ERO1A: variants seen among roughly 807,000 people sequenced by gnomAD.
ERO1A encodes the protein ERO1-like protein alpha.
A neutral mutation model predicts 76.9 loss-of-function variants in ERO1A; 49 were observed. That is an observed-to-expected ratio of 0.64 (90% confidence interval 0.51 to 0.81). The LOEUF (loss-of-function observed/expected upper bound fraction) is 0.81. Ranked by LOEUF, ERO1A falls within the 30% of genes least tolerant of loss-of-function variation. The pLI is 0.00. For synonymous variants in ERO1A, 174 were observed against 181.2 expected (o/e 0.96, Z 0.32); for missense variants, 448 against 542.1 (o/e 0.83, Z 1.72).
intron 2 of ERO1A, among the ~76,000 whole-genome samples, chr14:52,683,200 T>G (rs1051329760): frequency 6.6e-6 from 1 of 151,830 alleles, no homozygotes; most frequent in Non-Finnish European, 1.5e-5. Context: ...CAAAGCAAGA[T>G]TCTGTCTCAA....
intron 1 of ERO1A, among the ~76,000 whole-genome samples, chr14:52,689,968 A>G (rs1216991371): frequency 1.3e-5 from 2 of 152,230 alleles, no homozygotes; most frequent in African/African-American, 2.4e-5. Context: ...AAGCCCAGAA[A>G]TAAACCCACA....
At chr14:52,654,088 G>A (rs1461928351) in intron 11 of ERO1A, among the ~76,000 whole-genome samples, 1 of 152,092 alleles carries the variant, frequency 6.6e-6, no homozygotes, top group East Asian at 1.9e-4. Context: ...CAAAAATGCT[G>A]AAAGCAAATC....
intron 13 of ERO1A, among the ~76,000 whole-genome samples, chr14:52,651,762 C>G (rs994571378): frequency 6.6e-6 from 1 of 152,008 alleles, no homozygotes; most frequent in Non-Finnish European, 1.5e-5. Flanking sequence ...ATTAACAAAT[C>G]CATCACCTCA....
chr14:52,688,750 G>T (rs1428847092), intron 1 of ERO1A, among the ~76,000 whole-genome samples: 1 of 152,132 alleles, frequency 6.6e-6, no homozygotes, highest in African/African-American at 2.4e-5. Context: ...TGTTGACTCT[G>T]TTTGATTTGA....
At chr14:52,672,218 A>ATTCTCC (rs1194634586) in intron 4 of ERO1A, 5 of 171,730 alleles carry the variant, frequency 2.9e-5, no homozygotes, top group African/African-American at 9.6e-5. Flanking sequence ...AGGCAGGAGA[A>ATTCTCC]TGGAGTGAAC....
chr14:52,678,499 G>T (rs1471767241), intron 3 of ERO1A, 27 bp from the exon 4 acceptor site: 2 of 1,584,966 alleles, frequency 1.3e-6, no homozygotes, highest in Admixed American at 1.7e-5. Context: ...TATGTTTTTA[G>T]TTGGCATTTA....
chr14:52,682,434 T>G, intron 2 of ERO1A, 26 bp from the exon 3 acceptor site: 1 of 1,518,146 alleles, frequency 6.6e-7, no homozygotes, highest in East Asian at 2.3e-5. Flanking sequence ...AGAAAAAAAA[T>G]TATAAAAATC....
At chr14:52,691,005 G>T (rs2041335974) in intron 1 of ERO1A, among the ~76,000 whole-genome samples, 1 of 152,120 alleles carries the variant, frequency 6.6e-6, no homozygotes, top group Admixed American at 6.5e-5. Flanking sequence ...AACCTCAGGT[G>T]ATCCACGTGC....
At chr14:52,683,745 C>T (rs752760190) in intron 2 of ERO1A, 43 bp downstream of exon 2, 1 of 835,724 alleles carries the variant, frequency 1.2e-6, no homozygotes, top group East Asian at 3.0e-5. Context: ...ATCTAATTAT[C>T]CATTTAAAGT....
chr14:52,650,142 C>A (rs960794324), intron 13 of ERO1A, among the ~76,000 whole-genome samples: 1 of 151,938 alleles, frequency 6.6e-6, no homozygotes, highest in African/African-American at 2.4e-5. Context: ...TGGCTTGAAC[C>A]CAGGAGTTCC....
At chr14:52,671,476 A>T (rs990715286) in intron 6 of ERO1A, 154 bp downstream of exon 6, 5 of 550,984 alleles carry the variant, frequency 9.1e-6, no homozygotes, top group Non-Finnish European at 1.3e-5. Flanking sequence ...CCCAGTCTGG[A>T]TTCAAATACC....
intron 3 of ERO1A, among the ~76,000 whole-genome samples, chr14:52,681,264 TA>T (rs1302059377): frequency 5.3e-5 from 8 of 152,146 alleles, no homozygotes; most frequent in African/African-American, 9.7e-5. Flanking sequence ...AAACAAAACA[TA>T]GTATAGGCAT....
intron 11 of ERO1A, among the ~76,000 whole-genome samples, chr14:52,654,594 G>A (rs1281147348): frequency 2.0e-5 from 3 of 152,114 alleles, no homozygotes; most frequent in African/African-American, 7.2e-5. Flanking sequence ...TCCATGATAA[G>A]CCATAAATAT....
intron 4 of ERO1A, among the ~76,000 whole-genome samples, chr14:52,675,959 G>A (rs539388292): frequency 1.3e-5 from 2 of 152,132 alleles, no homozygotes; most frequent in East Asian, 1.9e-4. Flanking sequence ...TGCTGGGATT[G>A]TAAGCATGAA....
At chr14:52,685,067 T>C (rs2041136370) in intron 1 of ERO1A, among the ~76,000 whole-genome samples, 1 of 152,072 alleles carries the variant, frequency 6.6e-6, no homozygotes, top group African/African-American at 2.4e-5. Flanking sequence ...AAATAAATAA[T>C]TTAAAAATCT....
At chr14:52,666,680 C>T (rs1392438858) in intron 6 of ERO1A, among the ~76,000 whole-genome samples, 185 bp from the exon 7 acceptor site, 5 of 152,172 alleles carry the variant, frequency 3.3e-5, no homozygotes, top group African/African-American at 1.2e-4. Flanking sequence ...CCTGTAATCC[C>T]AGCACTTTGG....
At position 52,658,169 on chromosome 14, in the gene ERO1A, TAA is replaced by T. The variant is rs763172885; in HGVS notation, c.689-21_689-20del. ...GTGTTCTCTGAAATCAAAAGAAAAA[TAA>T]GTCATAAGAATAGAAAAATGCCAAA... On this transcript the variant is annotated intron_variant, in intron 9 of 15. Transcript: ENST00000395686. 1.4e-6 allele frequency: 2 copies of T among 1,474,424 alleles called. No homozygotes were observed. The highest frequency in any genetic ancestry group is 1.4e-5 in the African/African-American group (1 of 70,454). 91.3% of individuals were successfully genotyped at this position (1,474,424 alleles called of 1,614,324 possible). A position where few individuals can be genotyped will look rare whatever the true frequency, so the allele number is the denominator to read the frequency against.
intron 2 of ERO1A, 89 bp from the exon 3 acceptor site, chr14:52,682,497 C>T: frequency 4.1e-6 from 4 of 970,686 alleles, no homozygotes; most frequent in Non-Finnish European, 6.3e-6. Context: ...ATAACTTGGT[C>T]ATGTTATCAG....
intron 3 of ERO1A, among the ~76,000 whole-genome samples, chr14:52,679,207 G>A (rs1023377011): frequency 2.0e-4 from 30 of 151,970 alleles, no homozygotes; most frequent in African/African-American, 6.3e-4. Flanking sequence ...CCCAGTCTCA[G>A]GTGTTCCCTC....
Sources: gnomAD v4.1 joint callset for allele counts (sites outside exome capture counted in the v4.1 genomes callset) on GRCh38, gnomAD v4.1.1 for gene constraint, MANE v1.5 for transcripts, NCBI Gene and HGNC (gene_info 2026-07-23, HGNC 2026-07-21) for gene names.